TENM2: variants seen among roughly 807,000 people sequenced by gnomAD.
The protein encoded by TENM2 is teneurin-2.
TENM2 carries 52 observed loss-of-function variants against 245.2 expected under a neutral mutation model. The ratio of observed to expected loss-of-function variants is 0.21; its 90% CI spans 0.17 to 0.27. TENM2 has a LOEUF of 0.27. Ranked by LOEUF, TENM2 falls within the 10% of genes least tolerant of loss-of-function variation. TENM2 has a pLI of 1.00. For synonymous variants in TENM2, 1,363 were observed against 1,438.9 expected, an observed-to-expected ratio of 0.95 and a Z score of 1.19; for missense variants, 3,046 against 3,666.8, an observed-to-expected ratio of 0.83 and a Z score of 4.37.
the TENM2 span, among the ~76,000 whole-genome samples, chr5:167,249,811 C>T: frequency 8.8e-6 from 1 of 114,070 alleles, no homozygotes; most frequent in Admixed American, 1.1e-4. Context: ...ATGTAAACAT[C>T]CTCTCTAAAT....
intron 2 of TENM2, among the ~76,000 whole-genome samples, chr5:167,462,363 C>T (rs917409525): frequency 1.3e-5 from 2 of 152,064 alleles, no homozygotes; most frequent in African/African-American, 4.8e-5. Flanking sequence ...CATCTGAAGC[C>T]CCAGTGGGCA....
intron 2 of TENM2, among the ~76,000 whole-genome samples, chr5:167,434,353 G>A (rs567170990): frequency 2.9e-5 from 4 of 140,278 alleles, no homozygotes; most frequent in Non-Finnish European, 6.0e-5. Context: ...GGCAGAGGTT[G>A]CAGTGAGCTG....
At chr5:167,800,729 C>A (rs1392775158) in intron 2 of TENM2, among the ~76,000 whole-genome samples, 2 of 152,148 alleles carry the variant, frequency 1.3e-5, no homozygotes, top group Non-Finnish European at 2.9e-5. Flanking sequence ...TGTGTGTTTT[C>A]CACAAGGCCA....
At chr5:167,354,767 T>C (rs531686727) in intron 1 of TENM2, among the ~76,000 whole-genome samples, 2 of 152,366 alleles carry the variant, frequency 1.3e-5, no homozygotes, top group African/African-American at 2.4e-5. Flanking sequence ...ATATTTTTCA[T>C]GTAAAGTGTT....
At chr5:167,814,679 A>G (rs1393020611) in intron 2 of TENM2, among the ~76,000 whole-genome samples, 2 of 151,056 alleles carry the variant, frequency 1.3e-5, no homozygotes, top group Non-Finnish European at 3.0e-5. Context: ...TAGGAAATAT[A>G]TATTACATAC....
At chr5:167,037,717 CAAAGAGAGGA>C in the TENM2 span, among the ~76,000 whole-genome samples, 27 of 152,182 alleles carry the variant, frequency 1.8e-4, no homozygotes, top group African/African-American at 6.3e-4. Flanking sequence ...GCAAGAGAGG[CAAAGAGAGGA>C]ACCGTAAAGG....
the TENM2 span, among the ~76,000 whole-genome samples, chr5:167,248,861 T>G: frequency 6.6e-6 from 1 of 152,006 alleles, no homozygotes; most frequent in African/African-American, 2.4e-5. Flanking sequence ...AACATAAATT[T>G]GAAAATGCCC....
intron 1 of TENM2, among the ~76,000 whole-genome samples, chr5:167,340,144 A>C (rs1458726151): frequency 6.6e-6 from 1 of 152,142 alleles, no homozygotes; most frequent in Middle Eastern, 3.2e-3. Context: ...CTTTATAACA[A>C]GGACACCTTT....
intron 25 of TENM2, among the ~76,000 whole-genome samples, chr5:168,228,746 G>A (rs532225279): frequency 1.2e-4 from 11 of 93,312 alleles, no homozygotes; most frequent in South Asian, 3.7e-4. Context: ...TTCCCAAGAG[G>A]AAGTAACAAC....
intron 9 of TENM2, among the ~76,000 whole-genome samples, chr5:168,098,633 A>G (rs904268225): frequency 1.3e-5 from 2 of 152,162 alleles, no homozygotes; most frequent in African/African-American, 4.8e-5. Context: ...GAAAGGTAAT[A>G]TAAGAAAGAA....
At chr5:167,325,690 A>G (rs1757036400) in intron 1 of TENM2, among the ~76,000 whole-genome samples, 1 of 152,216 alleles carries the variant, frequency 6.6e-6, no homozygotes, top group African/African-American at 2.4e-5. Flanking sequence ...TTTATAATAA[A>G]TATCAGTGGT....
chr5:167,082,664 G>C, the TENM2 span, among the ~76,000 whole-genome samples: 1 of 152,132 alleles, frequency 6.6e-6, no homozygotes, highest in Non-Finnish European at 1.5e-5. Context: ...CAACTACTGT[G>C]ACTCTAATAA....
chr5:168,107,872 C>A (rs930082526), intron 9 of TENM2, among the ~76,000 whole-genome samples: 2 of 152,214 alleles, frequency 1.3e-5, no homozygotes, highest in African/African-American at 2.4e-5. Context: ...CAGATATGAC[C>A]CTGCAGTCAC....
At chr5:167,104,607 T>C in the TENM2 span, among the ~76,000 whole-genome samples, 1 of 152,220 alleles carries the variant, frequency 6.6e-6, no homozygotes, top group Non-Finnish European at 1.5e-5. Flanking sequence ...ATTTGAGTTT[T>C]ATGTTTAGTC....
chr5:167,988,584 G>A (rs1363559530), intron 4 of TENM2, among the ~76,000 whole-genome samples: 1 of 152,172 alleles, frequency 6.6e-6, no homozygotes, highest in Non-Finnish European at 1.5e-5. Context: ...AACAGTAAGT[G>A]CAAAGGCCCG....
rs1252622171 is a variant in TENM2 at position 167,929,059 on chromosome 5, G to GAGAAAAAGAA, written c.713-23524_713-23523insAAGAAAGAAA. 5.5e-3 allele frequency among the ~76,000 whole-genome samples: 426 copies of GAGAAAAAGAA among 77,512 alleles called. 11 individuals are homozygous for GAGAAAAAGAA. Among genetic ancestry groups the GAGAAAAAGAA allele is most frequent in the African/African-American group, 9.9e-3 (208 of 21,102 alleles). The allele number at this position is 77,512 out of a possible 152,430, so 50.9% of individuals were successfully genotyped here. Reference sequence around the variant, plus strand: ...AAAGAAAAGAAAAAAGAAAGAAAGAGAGAAAGAAAGAAAGAAAGAAAGAAA... The same window carrying GAGAAAAAGAA: ...AAAGAAAAGAAAAAAGAAAGAAAGAGAGAAAAAGAAAGAAAGAAAGAAAGAAAGAAAGAAA... On this transcript the variant is annotated intron_variant, in intron 3 of 28. Coordinates refer to ENST00000518659, the Ensembl canonical transcript of TENM2.
intron 13 of TENM2, among the ~76,000 whole-genome samples, chr5:168,178,691 T>C (rs1316190964): frequency 6.6e-6 from 1 of 152,194 alleles, no homozygotes; most frequent in African/African-American, 2.4e-5. Flanking sequence ...AATGAACATG[T>C]CTTCTGAAGC....
At chr5:168,076,143 A>G (rs377037614) in intron 7 of TENM2, among the ~76,000 whole-genome samples, 1 of 151,944 alleles carries the variant, frequency 6.6e-6, no homozygotes, top group Non-Finnish European at 1.5e-5. Context: ...TCACCTGTTG[A>G]TGGACATTTG....
chr5:167,916,407 G>A (rs998193887), intron 3 of TENM2, among the ~76,000 whole-genome samples: 7 of 151,938 alleles, frequency 4.6e-5, no homozygotes, highest in African/African-American at 1.2e-4. Context: ...AAATCAGATC[G>A]GTGAGAAGCA....
Sources: allele counts gnomAD v4.1 joint callset (sites outside exome capture counted in the v4.1 genomes callset), GRCh38; gene constraint gnomAD v4.1.1; transcripts MANE v1.5; gene names NCBI Gene and HGNC (gene_info 2026-07-23, HGNC 2026-07-21).